PRKCH: variants seen among roughly 807,000 people sequenced by gnomAD.
PRKCH encodes the protein protein kinase C eta type.
In PRKCH, 28 loss-of-function variants were observed where a neutral mutation model predicts 82.5. The observed-to-expected ratio is 0.34, with a 90% CI of 0.25 to 0.47. PRKCH has a LOEUF of 0.47. Among genes scored for constraint, PRKCH ranks in the 20% least tolerant of loss-of-function variants. The probability of loss-of-function intolerance (pLI) is 1.00; values close to 1 mark genes in which losing one functional copy is unlikely to be tolerated. For synonymous variants in PRKCH, 322 were observed against 327.4 expected, an observed-to-expected ratio of 0.98 and a Z score of 0.18; for missense variants, 705 against 881.8, an observed-to-expected ratio of 0.80 and a Z score of 2.54.
intron 10 of PRKCH, among the ~76,000 whole-genome samples, chr14:61,520,074 C>CAAAAAAAAAAAAAAA (rs71992585): frequency 2.1e-5 from 2 of 97,430 alleles, no homozygotes; most frequent in South Asian, 3.0e-4. Flanking sequence ...CTACAGAAAC[C>CAAAAAAAAAAAAAAA]AAAAAAAAAA....
At chr14:61,213,431 A>C (rs74054761) in intron 1 of PRKCH, among the ~76,000 whole-genome samples, 1 of 152,192 alleles carries the variant, frequency 6.6e-6, no homozygotes, top group Non-Finnish European at 1.5e-5. Context: ...ACACTCTCCC[A>C]ATCCTTGCTG....
chr14:61,468,522 G>C (rs529200433), intron 9 of PRKCH, among the ~76,000 whole-genome samples: 4 of 152,064 alleles, frequency 2.6e-5, no homozygotes, highest in Admixed American at 2.6e-4. Flanking sequence ...TGTCCTCTCC[G>C]GCTACCAGGC....
chr14:61,369,950 TTTTTTA>T (rs1006847717), intron 1 of PRKCH, among the ~76,000 whole-genome samples: 12 of 152,034 alleles, frequency 7.9e-5, no homozygotes, highest in African/African-American at 2.7e-4. Context: ...GTATGTATGG[TTTTTTA>T]TTTTTATTTT....
intron 10 of PRKCH, among the ~76,000 whole-genome samples, chr14:61,504,746 G>A (rs1651166351): frequency 6.6e-6 from 1 of 152,102 alleles, no homozygotes; most frequent in South Asian, 2.1e-4. Flanking sequence ...CACTACCTTA[G>A]TTTCAGAGAC....
intron 1 of PRKCH, among the ~76,000 whole-genome samples, chr14:61,193,541 CAG>C (rs2044421578): frequency 6.6e-6 from 1 of 151,522 alleles, no homozygotes; most frequent in African/African-American, 2.4e-5. Context: ...AAAAAAAAAA[CAG>C]AAATCATCCT....
chr14:61,223,947 A>G (rs2044675126), intron 1 of PRKCH, among the ~76,000 whole-genome samples: 1 of 152,198 alleles, frequency 6.6e-6, no homozygotes, highest in Admixed American at 6.5e-5. Context: ...TTGCCTAATA[A>G]GTCTCCTCTT....
At chr14:61,414,719 T>C (rs1392326287) in intron 2 of PRKCH, among the ~76,000 whole-genome samples, 1 of 151,916 alleles carries the variant, frequency 6.6e-6, no homozygotes, top group Non-Finnish European at 1.5e-5. Context: ...AACCTCGTGA[T>C]CCGCCTGCCT....
intron 1 of PRKCH, among the ~76,000 whole-genome samples, chr14:61,230,991 A>G (rs531294742): frequency 2.0e-5 from 3 of 152,338 alleles, no homozygotes; most frequent in Admixed American, 6.5e-5. Context: ...TCCTAGAGGA[A>G]GGGAAAACTA....
At chr14:61,187,991 A>T (rs12893041) in intron 1 of PRKCH, among the ~76,000 whole-genome samples, 51,500 of 152,074 alleles carry the variant, frequency 0.34, 10,378 homozygotes, top group East Asian at 0.44. Context: ...TGAAGTCAAG[A>T]TCTGAGTCTG....
At chr14:61,205,903 C>T (rs1166175821) in intron 1 of PRKCH, among the ~76,000 whole-genome samples, 1 of 152,190 alleles carries the variant, frequency 6.6e-6, no homozygotes, top group African/African-American at 2.4e-5. Context: ...GGGTTTTCTT[C>T]CTTCTCTGTC....
At chr14:61,469,269 G>A (rs1190756324) in intron 9 of PRKCH, among the ~76,000 whole-genome samples, 4 of 152,180 alleles carry the variant, frequency 2.6e-5, no homozygotes, top group Non-Finnish European at 1.5e-5. Flanking sequence ...ATTCTAATTA[G>A]GAAGAGAAGA....
intron 1 of PRKCH, among the ~76,000 whole-genome samples, chr14:61,228,127 A>G (rs570547363): frequency 1.5e-3 from 222 of 152,282 alleles, no homozygotes; most frequent in African/African-American, 4.9e-3. Context: ...CATTCATTAT[A>G]CAGTAGAGAA....
chr14:61,355,463 T>A (rs2046135916), intron 1 of PRKCH, among the ~76,000 whole-genome samples: 1 of 152,160 alleles, frequency 6.6e-6, no homozygotes. Flanking sequence ...GATAGTGTGA[T>A]CTTTTGGTAG....
chr14:61,295,594 C>T (rs780249944), intron 1 of PRKCH, among the ~76,000 whole-genome samples: 14 of 152,188 alleles, frequency 9.2e-5, no homozygotes, highest in Admixed American at 3.3e-4. Flanking sequence ...GGGGTAATGC[C>T]GAATCCAGTG....
chr14:61,385,948 A>T (rs1362380295), intron 1 of PRKCH, among the ~76,000 whole-genome samples: 1 of 152,196 alleles, frequency 6.6e-6, no homozygotes, highest in African/African-American at 2.4e-5. Context: ...TCTTGAATTG[A>T]TGGACAAATA....
chr14:61,495,974 G>A (rs1361472823), intron 10 of PRKCH, among the ~76,000 whole-genome samples: 2 of 152,194 alleles, frequency 1.3e-5, no homozygotes, highest in Non-Finnish European at 2.9e-5. Flanking sequence ...CATTTGAGCA[G>A]ATGAACAAAG....
chr14:61,403,926 A>G (rs1881801518), intron 2 of PRKCH, among the ~76,000 whole-genome samples: 2 of 152,250 alleles, frequency 1.3e-5, no homozygotes, highest in African/African-American at 4.8e-5. Context: ...ATTTTTTGAT[A>G]GAAAAGTTAA....
chr14:61,295,118 G>A (rs1384760197), intron 1 of PRKCH, among the ~76,000 whole-genome samples: 1 of 151,970 alleles, frequency 6.6e-6, no homozygotes, highest in Non-Finnish European at 1.5e-5. Flanking sequence ...CACCTGCCTC[G>A]ACCTCCCAAA....
chr14:61,194,586 T>C (rs1779168474), intron 1 of PRKCH, among the ~76,000 whole-genome samples: 1 of 152,212 alleles, frequency 6.6e-6, no homozygotes, highest in South Asian at 2.1e-4. Context: ...ATTTTTATTG[T>C]TTATAAGCCA....
Sources: gnomAD v4.1 joint callset for allele counts (sites outside exome capture counted in the v4.1 genomes callset) on GRCh38, gnomAD v4.1.1 for gene constraint, MANE v1.5 for transcripts, NCBI Gene and HGNC (gene_info 2026-07-23, HGNC 2026-07-21) for gene names.